The following PDE4B variants were observed in gnomAD, a reference collection of about 807,000 sequenced individuals.
PDE4B encodes the protein phosphodiesterase 4B.
In PDE4B, 20 loss-of-function variants were observed where a neutral mutation model predicts 82.2. The observed-to-expected ratio is 0.24, with a 90% CI of 0.17 to 0.35. PDE4B has a LOEUF of 0.35. PDE4B is among the 10% of genes least tolerant of loss of function. PDE4B has a pLI of 1.00. For synonymous variants in PDE4B, 320 were observed against 318.9 expected (o/e 1.00, Z -0.04); for missense variants, 655 against 907.2 (o/e 0.72, Z 3.57).
chr1:66,196,415 A>G (rs890032089), intron 3 of PDE4B, among the ~76,000 whole-genome samples: 1 of 152,222 alleles, frequency 6.6e-6, no homozygotes, highest in Non-Finnish European at 1.5e-5. Context: ...CTAGGCACAG[A>G]AGGGTTCAGG....
intron 3 of PDE4B, among the ~76,000 whole-genome samples, chr1:66,164,414 T>TA (rs528071218): frequency 1.0e-3 from 151 of 151,396 alleles, no homozygotes; most frequent in African/African-American, 3.5e-3. Context: ...CAGGTGCCTG[T>TA]AATCTCAGCT....
At chr1:66,222,955 A>G (rs1441552195) in intron 3 of PDE4B, among the ~76,000 whole-genome samples, 1 of 152,208 alleles carries the variant, frequency 6.6e-6, no homozygotes, top group Non-Finnish European at 1.5e-5. Flanking sequence ...AGATAATTTA[A>G]ATAGTTTTGT....
In PDE4B at chr1:66,244,441, T is replaced by C. The variant is rs1450710244; in HGVS notation, c.282-3019T>C. Among the ~76,000 whole-genome samples, 4 of 152,320 alleles carry C rather than the reference T, an allele frequency of 2.6e-5. No individual in the cohort carries two copies. In the East Asian group the frequency reaches 7.7e-4, roughly 29 times the overall value. ...CAAATAATGGCCCTATTTATGTGTT[T>C]GTTTCTGCTACTGTAGATTCCATTT... On this transcript the variant is annotated intron_variant, in intron 3 of 16. Transcript: ENST00000341517.
chr1:65,984,616 G>A (rs925675196), intron 3 of PDE4B, among the ~76,000 whole-genome samples: 3 of 152,120 alleles, frequency 2.0e-5, no homozygotes, highest in East Asian at 1.9e-4. Context: ...TTAGCCAGGC[G>A]TGGTGGTGGG....
intron 3 of PDE4B, among the ~76,000 whole-genome samples, chr1:66,242,415 T>C (rs1652957733): frequency 6.6e-6 from 1 of 152,232 alleles, no homozygotes; most frequent in Non-Finnish European, 1.5e-5. Flanking sequence ...GACCTGTGGA[T>C]TTGAATCTCT....
intron 3 of PDE4B, among the ~76,000 whole-genome samples, chr1:66,068,537 T>C (rs969834845): frequency 6.6e-6 from 1 of 152,012 alleles, no homozygotes; most frequent in African/African-American, 2.4e-5. Flanking sequence ...CCCCATCAAG[T>C]TGATTTTCTA....
At chr1:66,025,966 A>C (rs1330227862) in intron 3 of PDE4B, among the ~76,000 whole-genome samples, 1 of 152,212 alleles carries the variant, frequency 6.6e-6, no homozygotes, top group Non-Finnish European at 1.5e-5. Context: ...CATCAAATGT[A>C]TATGTCTCAG....
rs187029926 is a variant in PDE4B at position 66,293,676 on chromosome 1, A to G, written c.634+27589A>G. Among the ~76,000 whole-genome samples, 318 of 152,302 alleles carry G rather than the reference A, an allele frequency of 2.1e-3. 1 individual carries two copies. Among genetic ancestry groups the G allele is most frequent in the Non-Finnish European group, 3.7e-3 (252 of 68,020 alleles). On this transcript the variant is annotated intron_variant, in intron 7 of 16. Coordinates refer to ENST00000341517, the MANE Select transcript of PDE4B (RefSeq NM_002600.4). ...TTTATTAAAGCATATTCAACATTGC[A>G]TCTTCTATTTAAAACACACACACAA...
At chr1:66,217,769 C>T (rs544361) in intron 3 of PDE4B, among the ~76,000 whole-genome samples, 28,710 of 152,032 alleles carry the variant, frequency 0.19, 2,837 homozygotes, top group Non-Finnish European at 0.22. Context: ...TACTGACATT[C>T]CTGGTACTGC....
intron 3 of PDE4B, among the ~76,000 whole-genome samples, chr1:66,080,606 G>A (rs1232197823): frequency 1.3e-5 from 2 of 152,168 alleles, no homozygotes; most frequent in Non-Finnish European, 2.9e-5. Context: ...GTCTTCGCCA[G>A]TGTGTCCCCA....
At chr1:65,889,647 CTCAACA>C (rs1410187386) in intron 1 of PDE4B, among the ~76,000 whole-genome samples, 1 of 152,102 alleles carries the variant, frequency 6.6e-6, no homozygotes, top group Non-Finnish European at 1.5e-5. Flanking sequence ...TGCCAAATAA[CTCAACA>C]TCTGTCTGAG....
At position 66,247,619 on chromosome 1, in the gene PDE4B, G is replaced by A. The variant is rs1289657109; in HGVS notation, c.441G>A (p.Lys147=). The A allele has an allele frequency of 2.5e-6, 4 of 1,598,116 alleles. No homozygotes were observed. Among genetic ancestry groups the A allele is most frequent in the African/African-American group, 2.7e-5 (2 of 74,056 alleles). The stretch of plus-strand genomic sequence containing the variant: ...ACAGCGACTATGACTTGTCACCAAA[G>A]GCGATGTCGAGAAACTCTTCTCTTC... The part of the protein sequence containing the change: ...RSDSDYDLSP[K]AMSRNSSLPS... The change falls in exon 4 of 17, where the codon AAG becomes AAA. Residue 147 remains lysine, a synonymous_variant. Transcript: ENST00000341517.
At chr1:66,140,673 G>A (rs771685615) in intron 3 of PDE4B, among the ~76,000 whole-genome samples, 1 of 152,126 alleles carries the variant, frequency 6.6e-6, no homozygotes, top group African/African-American at 2.4e-5. Context: ...GACTTTCAGG[G>A]ACTGTGGATA....
chr1:65,916,859 GA>G lies in PDE4B; in HGVS notation c.43-1736del, dbSNP rs921886025. ...GACAGTGAAACACTGATACATTCCA[GA>G]ATGTTTCAAACTCTGGAAAATTTTA... On this transcript the variant is annotated intron_variant, in intron 2 of 16. Transcript: ENST00000341517. Among the ~76,000 whole-genome samples the G allele has an allele frequency of 5.3e-5, 8 of 152,224 alleles. No individual in the cohort carries two copies. In the East Asian group the frequency reaches 7.7e-4, roughly 15 times the overall value.
intron 3 of PDE4B, among the ~76,000 whole-genome samples, chr1:66,047,592 C>A (rs1654785900): frequency 6.6e-6 from 1 of 151,794 alleles, no homozygotes. Flanking sequence ...AAGTGTAGAG[C>A]TGAATTAAAT....
intron 3 of PDE4B, among the ~76,000 whole-genome samples, chr1:66,130,684 C>CCTATACTCAATTTTGAA (rs1194011366): frequency 1.3e-5 from 2 of 152,136 alleles, no homozygotes; most frequent in African/African-American, 4.8e-5. Context: ...TAGGCTATAC[C>CCTATACTCAATTTTGAA]CTATACTCAA....
At chr1:66,304,569 C>T (rs921527724) in intron 7 of PDE4B, among the ~76,000 whole-genome samples, 8 of 152,098 alleles carry the variant, frequency 5.3e-5, no homozygotes, top group African/African-American at 1.9e-4. Flanking sequence ...TAATGCCATT[C>T]TCAATGCTTT....
intron 8 of PDE4B, among the ~76,000 whole-genome samples, chr1:66,334,114 T>C (rs1397913894): frequency 6.6e-6 from 1 of 152,210 alleles, no homozygotes; most frequent in Non-Finnish European, 1.5e-5. Context: ...CTCTGTTCCC[T>C]GTATTTTGTG....
intron 1 of PDE4B, among the ~76,000 whole-genome samples, chr1:65,812,361 C>A (rs984369314): frequency 6.6e-5 from 10 of 152,170 alleles, no homozygotes; most frequent in Non-Finnish European, 1.2e-4. Context: ...GGGTATGGCC[C>A]TCCATGCTCT....
Sources: allele counts gnomAD v4.1 joint callset (sites outside exome capture counted in the v4.1 genomes callset), GRCh38; gene constraint gnomAD v4.1.1; transcripts MANE v1.5; gene names NCBI Gene and HGNC (gene_info 2026-07-23, HGNC 2026-07-21).